Variants in SLC22A9 observed in about 807,000 individuals in gnomAD.
SLC22A9 encodes solute carrier family 22 member 9.
Under a neutral mutation model 50.1 loss-of-function variants are expected in SLC22A9, and 64 were observed. The ratio of observed to expected loss-of-function variants is 1.28; its 90% CI spans 1.04 to 1.57. SLC22A9 has a LOEUF of 1.57. SLC22A9 is among the 40% of genes most tolerant of loss of function. The pLI, the probability that SLC22A9 is intolerant of heterozygous loss-of-function variation, is 0.00. For missense variants in SLC22A9, 757 were observed against 676.1 expected (o/e 1.12, Z -1.33); for synonymous variants, 261 against 242.5 (o/e 1.08, Z -0.71).
intron 4 of SLC22A9, 149 bp downstream of exon 4, chr11:63,374,211 G>A (rs2119871200): frequency 1.6e-6 from 1 of 639,686 alleles, no homozygotes; most frequent in Non-Finnish European, 2.4e-6. Flanking sequence ...ACAAGAAGCA[G>A]AACACATAGA....
intron 6 of SLC22A9, among the ~76,000 whole-genome samples, chr11:63,398,797 A>G (rs2014904762): frequency 6.6e-6 from 1 of 152,060 alleles, no homozygotes; most frequent in Non-Finnish European, 1.5e-5. Context: ...GTGATCTCCC[A>G]CTTTATTTTT....
intron 5 of SLC22A9, 121 bp downstream of exon 5, chr11:63,375,889 T>C: frequency 8.0e-7 from 1 of 1,247,812 alleles, no homozygotes. Context: ...TTATGGGCTG[T>C]ATCACCTCAC....
intron 2 of SLC22A9, among the ~76,000 whole-genome samples, chr11:63,373,088 C>G (rs76376916): frequency 0.016 from 2,476 of 151,406 alleles, 66 homozygotes; most frequent in African/African-American, 0.057. Context: ...TCCCAGAAAA[C>G]AGTAAAACAC....
chr11:63,409,727 A>G (rs1298618166), intron 9 of SLC22A9, 75 bp from the exon 10 acceptor site: 4 of 1,421,248 alleles, frequency 2.8e-6, no homozygotes, highest in Admixed American at 1.8e-5. Flanking sequence ...TCCTTAAAGA[A>G]TGCGGGACTT....
intron 6 of SLC22A9, among the ~76,000 whole-genome samples, chr11:63,401,869 G>GT (rs1341364920): frequency 2.0e-5 from 3 of 151,946 alleles, no homozygotes; most frequent in African/African-American, 4.8e-5. Context: ...GATGTTATAA[G>GT]TTTTTTTATA....
chr11:63,377,921 C>A (rs1226756478), intron 5 of SLC22A9, among the ~76,000 whole-genome samples: 1 of 152,042 alleles, frequency 6.6e-6, no homozygotes, highest in Non-Finnish European at 1.5e-5. Flanking sequence ...TTACAAACGC[C>A]TCTATGCGCA....
Position 63,409,826 on chromosome 11 carries a change from G to C in SLC22A9, c.1626G>C (p.Lys542Asn). The change falls in exon 10 of 10, where the codon AAG becomes AAC. Residue 542 changes from lysine (K) to asparagine (N), a missense_variant. Transcript: ENST00000279178. ...KNERKDPREP[K>N]QEDPRVEVTQ... The stretch of plus-strand genomic sequence containing the variant: ...GGAGAAAAGACCCCAGAGAACCAAA[G>C]CAAGAGGATCCGAGAGTGGAAGTGA... 6.2e-7 allele frequency: 1 copy of C among 1,613,684 alleles called. No individual in the cohort carries two copies. The highest frequency in any genetic ancestry group is 8.5e-7 in the Non-Finnish European group (1 of 1,179,834).
intron 6 of SLC22A9, among the ~76,000 whole-genome samples, chr11:63,396,367 T>C (rs511686): frequency 0.081 from 12,300 of 152,258 alleles, 1,010 homozygotes; most frequent in East Asian, 0.33. Flanking sequence ...CCAGGGCCTT[T>C]CCTGCTGCTT....
intron 6 of SLC22A9, among the ~76,000 whole-genome samples, chr11:63,384,835 T>C (rs11821164): frequency 0.018 from 2,708 of 152,190 alleles, 73 homozygotes; most frequent in African/African-American, 0.062. Flanking sequence ...GCCATTCTGA[T>C]TGGTGTGAGA....
chr11:63,373,776 C>T lies in SLC22A9; in HGVS notation c.639C>T (p.Leu213=). The T allele has an allele frequency of 1.9e-6, 3 of 1,610,998 alleles. No individual in the cohort carries two copies. Among genetic ancestry groups the T allele is most frequent in the Non-Finnish European group, 2.5e-6 (3 of 1,178,786 alleles). ...RFLSGIAAMS[L]ITNTIMLIAE... ...TGTCTGGGATTGCTGCAATGAGCCT[C>T]ATAACAAATACTATTATGTTAAGTA... The change falls in exon 3 of 10, where the codon CTC becomes CTT. Residue 213 remains leucine (L), a synonymous_variant. Transcript: ENST00000279178.
chr11:63,394,994 G>A (rs1391262114), intron 6 of SLC22A9, among the ~76,000 whole-genome samples: 1 of 151,674 alleles, frequency 6.6e-6, no homozygotes, highest in Non-Finnish European at 1.5e-5. Flanking sequence ...TTGTCTTCGA[G>A]CTCTGAATTT....
chr11:63,371,034 G>C, intron 1 of SLC22A9, 101 bp from the exon 2 acceptor site: 1 of 792,740 alleles, frequency 1.3e-6, no homozygotes, highest in Non-Finnish European at 2.0e-6. Flanking sequence ...GAGGAAGTTA[G>C]AGACTTAATA....
chr11:63,406,410 C>A, intron 6 of SLC22A9, 87 bp from the exon 7 acceptor site: 1 of 1,214,078 alleles, frequency 8.2e-7, no homozygotes. Flanking sequence ...TTAACAATCC[C>A]TAGCTGCCTG....
In SLC22A9 at chr11:63,408,723, C is replaced by T; in HGVS notation, c.1445C>T (p.Ala482Val). ...INATFANIAG[A>V]LAPLMMILSV... is the part of the protein sequence containing the mutation. ...GCAACCTTTGCTAATATAGCAGGAG[C>T]CCTGGCTCCCCTCATGATGATCCTA... Residue 482 changes from alanine to valine, a missense_variant, in exon 9 of 10, where the codon GCC (alanine) becomes GTC (valine). Coordinates refer to ENST00000279178, the MANE Select transcript of SLC22A9 (RefSeq NM_080866.3). 1 of 1,613,982 alleles carries T rather than the reference C, an allele frequency of 6.2e-7. No homozygotes were observed. The highest frequency in any genetic ancestry group is 8.5e-7 in the Non-Finnish European group (1 of 1,179,934).
chr11:63,373,728 C>G lies in SLC22A9; in HGVS notation c.591C>G (p.Leu197=). 6.2e-7 allele frequency: 1 copy of G among 1,613,476 alleles called. No individual in the cohort carries two copies. Residue 197 remains leucine, a synonymous_variant, in exon 3 of 10, where the codon CTC becomes CTG. Transcript: ENST00000279178. ...GTGCAGCCTTGGCTCCCACCTTCCT[C>G]ATTTACTGCTCACTACGCTTCTTGT... The part of the protein sequence containing the change: ...GTCAALAPTF[L]IYCSLRFLSG...
At chr11:63,374,545 G>C (rs1341858903) in intron 4 of SLC22A9, among the ~76,000 whole-genome samples, 1 of 152,026 alleles carries the variant, frequency 6.6e-6, no homozygotes, top group Admixed American at 6.6e-5. Flanking sequence ...GTTTTCATTT[G>C]CTAAAACCAG....
chr11:63,401,701 C>T (rs2014954257), intron 6 of SLC22A9, among the ~76,000 whole-genome samples: 1 of 151,884 alleles, frequency 6.6e-6, no homozygotes, highest in Admixed American at 6.6e-5. Flanking sequence ...GCTGGAGTGG[C>T]TGAGCTAATT....
rs142638406 is a variant in SLC22A9 at position 63,408,158 on chromosome 11, G to A, written c.1335G>A (p.Ala445=). The A allele has an allele frequency of 3.4e-3, 5,479 of 1,613,736 alleles. 18 individuals are homozygous for A. Among genetic ancestry groups the A allele is most frequent in the Non-Finnish European group, 4.2e-3 (4,973 of 1,179,784 alleles). The part of the protein sequence containing the change: ...REVLATLGLG[A]SALANTLAFA... ...TTTTGGCAACACTGGGCTTAGGAGC[G>A]TCTGCTCTTGCCAATACCCTTGCTT... The change falls in exon 8 of 10, where the codon GCG becomes GCA. Residue 445 remains alanine, a synonymous_variant. Coordinates refer to ENST00000279178, the MANE Select transcript of SLC22A9 (RefSeq NM_080866.3).
At position 63,388,110 on chromosome 11, in the gene SLC22A9, G is replaced by C. The variant is rs535161668; in HGVS notation, c.1073+5833G>C. Reference sequence around the variant, plus strand: ...TTCCAAATATAAGATTATATCATCTGCAAACAAGAATAATTTGACTTCGAG... The same window carrying C: ...TTCCAAATATAAGATTATATCATCTCCAAACAAGAATAATTTGACTTCGAG... On this transcript the variant is annotated intron_variant, in intron 6 of 9. Coordinates refer to ENST00000279178, the MANE Select transcript of SLC22A9 (RefSeq NM_080866.3). Among the ~76,000 whole-genome samples the C allele has an allele frequency of 4.7e-4, 71 of 152,140 alleles. 1 individual carries two copies. In the South Asian group the frequency reaches 0.014, roughly 31 times the overall value.
Sources: gnomAD v4.1 joint callset for allele counts (sites outside exome capture counted in the v4.1 genomes callset) on GRCh38, gnomAD v4.1.1 for gene constraint, MANE v1.5 for transcripts, NCBI Gene and HGNC (gene_info 2026-07-23, HGNC 2026-07-21) for gene names.